KYAT3: variants seen among roughly 807,000 people sequenced by gnomAD.
KYAT3 encodes kynurenine aminotransferase 3.
In KYAT3, 50 loss-of-function variants were observed where a neutral mutation model predicts 59.0. The ratio of observed to expected loss-of-function variants is 0.85; its 90% confidence interval spans 0.68 to 1.07. The LOEUF (loss-of-function observed/expected upper bound fraction) is 1.07, where lower values mean the gene tolerates loss of function less well. KYAT3 is among the 50% of genes least tolerant of loss of function. KYAT3 has a pLI of 0.00. For missense variants in KYAT3, 497 were observed against 533.3 expected (o/e 0.93, Z 0.67); for synonymous variants, 148 against 177.0 (o/e 0.84, Z 1.30).
chr1:88,964,173 G>A (rs1460989714), intron 5 of KYAT3, among the ~76,000 whole-genome samples: 2 of 152,150 alleles, frequency 1.3e-5, no homozygotes, highest in African/African-American at 4.8e-5. Context: ...CTGCACTCCA[G>A]CCTGGGCAAC....
chr1:88,933,300 A>C (rs546743461), downstream of KYAT3, among the ~76,000 whole-genome samples: 4 of 152,198 alleles, frequency 2.6e-5, no homozygotes, highest in African/African-American at 9.7e-5. Flanking sequence ...TCACTGATGT[A>C]GTAAGTGCCT....
chr1:88,967,785 T>C (rs1317294738), intron 4 of KYAT3, among the ~76,000 whole-genome samples: 1 of 152,250 alleles, frequency 6.6e-6, no homozygotes, highest in Non-Finnish European at 1.5e-5. Flanking sequence ...TTTTCTTTTT[T>C]ATTGGTCAAT....
chr1:88,938,202 T>C (rs556440406), intron 13 of KYAT3, among the ~76,000 whole-genome samples: 63 of 152,284 alleles, frequency 4.1e-4, no homozygotes, highest in African/African-American at 1.1e-3. Flanking sequence ...TTGAAACTTT[T>C]AGGTTGAGAG....
At chr1:88,984,984 A>T (rs1303365522) in intron 2 of KYAT3, among the ~76,000 whole-genome samples, 1 of 152,236 alleles carries the variant, frequency 6.6e-6, no homozygotes, top group Non-Finnish European at 1.5e-5. Context: ...TCTTTAGCAC[A>T]TGTTCATTTT....
the KYAT3 span, among the ~76,000 whole-genome samples, chr1:88,925,966 G>A: frequency 1.6e-4 from 25 of 152,108 alleles, no homozygotes; most frequent in Admixed American, 5.2e-4. Context: ...AAGCACTGAG[G>A]CCACCGACAA....
At chr1:88,987,338 C>T (rs189974880) in intron 2 of KYAT3, among the ~76,000 whole-genome samples, 7 of 151,986 alleles carry the variant, frequency 4.6e-5, no homozygotes, top group East Asian at 1.9e-4. Flanking sequence ...AAGGTGGTCA[C>T]GGTGGCATAA....
intron 2 of KYAT3, among the ~76,000 whole-genome samples, chr1:88,985,330 T>A (rs1448880343): frequency 1.3e-5 from 2 of 152,148 alleles, no homozygotes; most frequent in African/African-American, 4.8e-5. Flanking sequence ...CAGCTATAAA[T>A]CAGAGTTGGA....
intron 2 of KYAT3, among the ~76,000 whole-genome samples, chr1:88,971,384 C>T (rs1401635715): frequency 6.6e-6 from 1 of 152,116 alleles, no homozygotes; most frequent in African/African-American, 2.4e-5. Context: ...TTCAAATAGT[C>T]TATGTTCTCT....
At chr1:88,949,425 A>G (rs1675587339) in intron 10 of KYAT3, 148 bp from the exon 11 acceptor site, 1 of 534,280 alleles carries the variant, frequency 1.9e-6, no homozygotes, top group African/African-American at 2.0e-5. Flanking sequence ...CTGTGAACCT[A>G]TATTAAACTC....
At chr1:88,962,315 A>C (rs1215841660) in intron 5 of KYAT3, among the ~76,000 whole-genome samples, 170 bp from the exon 6 acceptor site, 1 of 152,180 alleles carries the variant, frequency 6.6e-6, no homozygotes, top group East Asian at 1.9e-4. Flanking sequence ...CTCGGAGACA[A>C]ACTTGTCCAG....
chr1:88,961,999 T>C, intron 6 of KYAT3, 60 bp downstream of exon 6: 1 of 1,134,642 alleles, frequency 8.8e-7, no homozygotes, highest in Non-Finnish European at 1.3e-6. Context: ...AAGTAATTGG[T>C]ATTTTCAAGA....
At chr1:88,933,119 T>A (rs1674942470), downstream of KYAT3, among the ~76,000 whole-genome samples, 1 of 152,204 alleles carries the variant, frequency 6.6e-6, no homozygotes, top group Admixed American at 6.5e-5. Context: ...ACCACACTAC[T>A]GTAATTTCAA....
At chr1:88,983,018 C>T (rs1254010682) in intron 2 of KYAT3, 16 of 1,612,820 alleles carry the variant, frequency 9.9e-6, no homozygotes, top group South Asian at 3.3e-5. Flanking sequence ...TGAATAGTCA[C>T]GATCACGACC....
At chr1:88,928,508 A>G in the KYAT3 span, among the ~76,000 whole-genome samples, 1 of 152,160 alleles carries the variant, frequency 6.6e-6, no homozygotes, top group Non-Finnish European at 1.5e-5. Context: ...CTACAAGGAC[A>G]CTTTAAAAAA....
chr1:88,966,600 T>C (rs1360848823), intron 4 of KYAT3, among the ~76,000 whole-genome samples: 4 of 152,106 alleles, frequency 2.6e-5, no homozygotes, highest in Non-Finnish European at 5.9e-5. Context: ...ATTCATTTAT[T>C]AGTTGTAGTA....
chr1:88,981,325 A>G (rs769175685), intron 2 of KYAT3: 5 of 152,250 alleles, frequency 3.3e-5, no homozygotes, highest in Non-Finnish European at 5.9e-5. Flanking sequence ...CATCATTTTT[A>G]TAATTCATCT....
the KYAT3 span, among the ~76,000 whole-genome samples, chr1:88,928,842 T>C: frequency 2.6e-5 from 4 of 152,146 alleles, no homozygotes; most frequent in African/African-American, 9.7e-5. Context: ...GACAGCCAGT[T>C]ACTAGATACT....
At chr1:88,975,037 C>G (rs925150513) in intron 2 of KYAT3, among the ~76,000 whole-genome samples, 1 of 152,190 alleles carries the variant, frequency 6.6e-6, no homozygotes, top group African/African-American at 2.4e-5. Flanking sequence ...ATAAATCTTG[C>G]TGCTGCTCAC....
rs1288183289 is a variant in KYAT3, at chr1:88,949,267, G to A, written c.965C>T (p.Ala322Val). The A allele has an allele frequency of 2.6e-6, 4 of 1,545,492 alleles. No individual in the cohort carries two copies. Among genetic ancestry groups the A allele is most frequent in the Admixed American group, 4.6e-5 (2 of 43,864 alleles). ...CTTGATGTCAATCCAGAAAGCTTGA[G>A]CCAAGGCTTCCTGTTTGTTAAGAAT... ...TCATPLQEAL[A>V]QAFWIDIKRM... is the part of the protein sequence containing the mutation. The change falls in exon 11 of 14, where the codon GCT becomes GTT. Residue 322 changes from alanine to valine, a missense_variant. Physicochemically the swap from Ala to Val is moderately conservative, Grantham distance 64. Coordinates refer to ENST00000260508, the MANE Select transcript of KYAT3 (RefSeq NM_001008661.3).
Sources: gnomAD v4.1 joint callset for allele counts (sites outside exome capture counted in the v4.1 genomes callset) on GRCh38, gnomAD v4.1.1 for gene constraint, MANE v1.5 for transcripts, NCBI Gene and HGNC (gene_info 2026-07-23, HGNC 2026-07-21) for gene names.